The following MRTFA variants were observed in gnomAD, a reference collection of about 807,000 sequenced individuals.
MRTFA encodes myocardin-related transcription factor A.
A neutral mutation model predicts 83.5 loss-of-function variants in MRTFA; 20 were observed. The observed-to-expected ratio is 0.24, with a 90% CI of 0.17 to 0.35. The LOEUF is 0.35. MRTFA is among the 10% of genes least tolerant of loss of function. The pLI is 1.00. For missense variants in MRTFA, 1,200 were observed against 1,224.7 expected (o/e 0.98, Z 0.30); for synonymous variants, 659 against 541.2 (o/e 1.22, Z -3.02).
At chr22:40,548,011 T>C (rs562459585) in intron 3 of MRTFA, among the ~76,000 whole-genome samples, 4 of 152,208 alleles carry the variant, frequency 2.6e-5, no homozygotes, top group African/African-American at 9.6e-5. Flanking sequence ...GGCTCACTCA[T>C]TGCTGAGTAA....
intron 1 of MRTFA, among the ~76,000 whole-genome samples, chr22:40,612,126 T>G (rs1244313210): frequency 1.3e-5 from 2 of 152,232 alleles, no homozygotes; most frequent in Admixed American, 1.3e-4. Context: ...TATAATCAAC[T>G]GACATTTGTG....
intron 6 of MRTFA, 91 bp from the exon 7 acceptor site, chr22:40,429,858 G>T: frequency 2.3e-6 from 3 of 1,323,686 alleles, no homozygotes; most frequent in Non-Finnish European, 3.1e-6. Flanking sequence ...TTCCTCCTGG[G>T]CAAGAGGAGT....
At chr22:40,446,235 T>C (rs2053375718) in intron 4 of MRTFA, among the ~76,000 whole-genome samples, 1 of 152,238 alleles carries the variant, frequency 6.6e-6, no homozygotes. Context: ...AGTTTTAGCA[T>C]CTACTGATGA....
rs570660540 is a variant in MRTFA, at chr22:40,445,418, G to A, written c.308-9864C>T. 5.9e-4 allele frequency among the ~76,000 whole-genome samples: 89 copies of A among 152,130 alleles called. 2 individuals are homozygous for A. The South Asian group carries it at 0.017, about 28-fold the overall frequency. ...CTTACATAACTAAGATACTTTTATC[G>A]CACCTGAAAAAATTAATTCAATATA... On this transcript the variant is annotated intron_variant, in intron 4 of 14. Coordinates refer to ENST00000355630, the MANE Select transcript of MRTFA (RefSeq NM_020831.6).
intron 2 of MRTFA, among the ~76,000 whole-genome samples, chr22:40,573,516 A>G (rs1450683817): frequency 2.0e-5 from 3 of 152,200 alleles, no homozygotes; most frequent in Non-Finnish European, 4.4e-5. Context: ...TAGCCTCCCA[A>G]AGTGATGGGA....
At position 40,535,361 on chromosome 22, in the gene MRTFA, TTTTTC is replaced by T. The variant is rs1258510435; in HGVS notation, c.241+16740_241+16744del. 7.8e-3 allele frequency among the ~76,000 whole-genome samples: 1,084 copies of T among 138,932 alleles called. 31 individuals carry two copies. The highest frequency in any genetic ancestry group is 0.022 in the African/African-American group (817 of 36,342). 91.1% of individuals were successfully genotyped at this position (138,932 alleles called of 152,430 possible). A position where few individuals can be genotyped will look rare whatever the true frequency, so the allele number is the denominator to read the frequency against. On this transcript the variant is annotated intron_variant, in intron 3 of 14. Coordinates refer to ENST00000355630, the MANE Select transcript of MRTFA (RefSeq NM_020831.6). ...GAGAGGTTTTTTCTTTTTTTTTTTT[TTTTTC>T]TTTTTGAGACTAGGTCTCACTCTGT...
intron 9 of MRTFA, 31 bp downstream of exon 9, chr22:40,423,505 G>A (rs2052886766): frequency 1.4e-6 from 2 of 1,454,228 alleles, no homozygotes; most frequent in South Asian, 1.5e-5. Flanking sequence ...GCACAGGGAA[G>A]GGGAGGGTAC....
At chr22:40,536,067 G>A (rs1041178967) in intron 3 of MRTFA, among the ~76,000 whole-genome samples, 2 of 151,796 alleles carry the variant, frequency 1.3e-5, no homozygotes, top group Non-Finnish European at 2.9e-5. Context: ...CAAACGGGAG[G>A]GTGGGTTGAA....
chr22:40,529,515 C>A (rs778278751), intron 3 of MRTFA, among the ~76,000 whole-genome samples: 3 of 152,056 alleles, frequency 2.0e-5, no homozygotes, highest in Non-Finnish European at 4.4e-5. Flanking sequence ...TGGGGTTTCA[C>A]CATGTTGGCA....
rs751837820 is a variant in MRTFA, at chr22:40,429,588, T to A, written c.601+18A>T. 1 of 1,614,052 alleles carries A rather than the reference T, an allele frequency of 6.2e-7. No homozygotes were observed. Among genetic ancestry groups the A allele is most frequent in the South Asian group, 1.1e-5 (1 of 91,062 alleles). ...CATCTCAGCTGCCTCTCACACAGGG[T>A]GGCTGGGTCCTCCTCACCAATGATG... On this transcript the variant is annotated intron_variant, in intron 7 of 14. Coordinates refer to ENST00000355630, the MANE Select transcript of MRTFA (RefSeq NM_020831.6).
In MRTFA at chr22:40,420,527, G is replaced by A. The variant is rs767060309; in HGVS notation, c.1231C>T (p.Leu411Phe). 1 of 1,613,676 alleles carries A rather than the reference G, an allele frequency of 6.2e-7. No individual in the cohort carries two copies. The highest frequency in any genetic ancestry group is 1.3e-5 in the African/African-American group (1 of 74,956). ...CTGGAGCTGCTATTGGTAGTGGAGA[G>A]GCTGCGTACTGGGGGGGTCCCGCTG... Residue 411 changes from leucine to phenylalanine, a missense_variant, in exon 11 of 15, where the codon CTC becomes TTC. Transcript: ENST00000355630.
intron 2 of MRTFA, among the ~76,000 whole-genome samples, chr22:40,570,577 CAAAAAA>C (rs894548892): frequency 8.6e-5 from 2 of 23,152 alleles, no homozygotes; most frequent in African/African-American, 2.0e-4. Context: ...GACTCTGTCT[CAAAAAA>C]AAAAAAAAAA....
intron 3 of MRTFA, among the ~76,000 whole-genome samples, chr22:40,528,170 C>T (rs567355442): frequency 6.6e-6 from 1 of 152,236 alleles, no homozygotes; most frequent in Non-Finnish European, 1.5e-5. Flanking sequence ...TGAGGCCTGT[C>T]GCATTCTGAC....
chr22:40,620,394 G>A (rs894186965), intron 1 of MRTFA, among the ~76,000 whole-genome samples: 11 of 150,746 alleles, frequency 7.3e-5, no homozygotes, highest in African/African-American at 2.4e-4. Context: ...AAAGTGCTGG[G>A]ATTACAGGCG....
intron 2 of MRTFA, among the ~76,000 whole-genome samples, chr22:40,590,525 G>A (rs948500170): frequency 6.6e-6 from 1 of 151,152 alleles, no homozygotes; most frequent in Non-Finnish European, 1.5e-5. Flanking sequence ...AAATTAGTCG[G>A]GCATAGTGGC....
intron 3 of MRTFA, among the ~76,000 whole-genome samples, chr22:40,543,385 T>C (rs950637381): frequency 1.3e-5 from 2 of 152,138 alleles, no homozygotes; most frequent in Non-Finnish European, 2.9e-5. Context: ...GCTGCACATG[T>C]GAAAACAAAC....
At chr22:40,412,151 A>G (rs899285229) in intron 14 of MRTFA, 13 of 343,912 alleles carry the variant, frequency 3.8e-5, no homozygotes, top group African/African-American at 2.7e-4. Flanking sequence ...CAAAAAACCA[A>G]ACTTGACTCA....
chr22:40,424,957 G>C (rs1173935667), intron 7 of MRTFA, among the ~76,000 whole-genome samples: 1 of 152,222 alleles, frequency 6.6e-6, no homozygotes, highest in Non-Finnish European at 1.5e-5. Flanking sequence ...TTCAGATGGA[G>C]GGTATCCCAG....
intron 2 of MRTFA, among the ~76,000 whole-genome samples, chr22:40,584,018 A>G (rs2055987666): frequency 6.6e-6 from 1 of 152,184 alleles, no homozygotes; most frequent in Non-Finnish European, 1.5e-5. Flanking sequence ...TTTTATAATC[A>G]CAATTCTGGG....
Sources: allele counts gnomAD v4.1 joint callset (sites outside exome capture counted in the v4.1 genomes callset), GRCh38; gene constraint gnomAD v4.1.1; transcripts MANE v1.5; gene names NCBI Gene and HGNC (gene_info 2026-07-23, HGNC 2026-07-21).